The following COQ10B variants were observed in gnomAD, a reference collection of about 807,000 sequenced individuals.
The protein encoded by COQ10B is coenzyme Q10B, also known as coenzyme Q-binding protein COQ10 homolog B, mitochondrial.
Under a neutral mutation model 27.6 loss-of-function variants are expected in COQ10B, and 12 were observed. That is an observed-to-expected ratio of 0.43 (90% confidence interval 0.28 to 0.70). COQ10B has a LOEUF of 0.70. Among genes scored for constraint, COQ10B ranks in the 30% least tolerant of loss-of-function variants. COQ10B has a pLI of 0.17. For missense variants in COQ10B, 278 were observed against 288.7 expected, an observed-to-expected ratio of 0.96 and a Z score of 0.27; for synonymous variants, 115 against 103.0, an observed-to-expected ratio of 1.12 and a Z score of -0.71.
chr2:197,453,862 C>A, intron 1 of COQ10B, 198 bp downstream of exon 1: 1 of 1,269,552 alleles, frequency 7.9e-7, no homozygotes. Flanking sequence ...AGGCTGTGTT[C>A]GTGGCTCGTT....
intron 1 of COQ10B, among the ~76,000 whole-genome samples, chr2:197,457,770 T>C (rs763331554): frequency 3.8e-4 from 58 of 151,934 alleles, no homozygotes; most frequent in Non-Finnish European, 7.8e-4. Flanking sequence ...TACAGGCACG[T>C]GCCACCACAC....
intron 2 of COQ10B, among the ~76,000 whole-genome samples, chr2:197,460,522 A>G (rs1253198385): frequency 1.3e-5 from 2 of 152,190 alleles, no homozygotes; most frequent in Non-Finnish European, 2.9e-5. Flanking sequence ...TATTTGTTGA[A>G]TGAATATAAT....
chr2:197,473,659 C>T (rs1343283620), intron 4 of COQ10B, 98 bp from the exon 5 acceptor site: 1 of 866,762 alleles, frequency 1.2e-6, no homozygotes, highest in African/African-American at 1.8e-5. Context: ...GCACTCCAAC[C>T]TGGGCAACAA....
chr2:197,459,088 G>A (rs968933929), intron 1 of COQ10B, among the ~76,000 whole-genome samples: 2 of 152,176 alleles, frequency 1.3e-5, no homozygotes, highest in African/African-American at 2.4e-5. Context: ...TGGTTAACTA[G>A]ACATGTTTTT....
chr2:197,454,202 A>C, intron 1 of COQ10B: 2 of 1,406,486 alleles, frequency 1.4e-6, no homozygotes, highest in Non-Finnish European at 9.6e-7. Context: ...GCTGTAACTT[A>C]CAGGTCCTGT....
rs149632419 is a variant in COQ10B, at chr2:197,458,855, C to T, written c.105-1077C>T. 5.9e-3 allele frequency among the ~76,000 whole-genome samples: 898 copies of T among 151,870 alleles called. 10 individuals carry two copies. Among genetic ancestry groups the T allele is most frequent in the African/African-American group, 0.018 (759 of 41,430 alleles). On this transcript the variant is annotated intron_variant, in intron 1 of 4. Coordinates refer to ENST00000263960, the MANE Select transcript of COQ10B (RefSeq NM_025147.5). ...GCCACCACACTCAGCTAATTTTTTG[C>T]ATTTTTAGTAGAGATGGGGTTTCAC...
intron 2 of COQ10B, among the ~76,000 whole-genome samples, chr2:197,461,559 C>CTGTGTGTGTGTGTGTG (rs60261177): frequency 1.1e-4 from 15 of 139,866 alleles, no homozygotes; most frequent in African/African-American, 3.4e-4. Context: ...CTGATTTAGT[C>CTGTGTGTGTGTGTGTG]TGTGTGTGTG....
chr2:197,468,021 A>C (rs1416552041), intron 3 of COQ10B, among the ~76,000 whole-genome samples: 1 of 152,222 alleles, frequency 6.6e-6, no homozygotes, highest in Admixed American at 6.5e-5. Context: ...TCTACTATTC[A>C]GTATCTCTGC....
At chr2:197,471,268 G>T (rs1372445280) in intron 4 of COQ10B, among the ~76,000 whole-genome samples, 2 of 151,770 alleles carry the variant, frequency 1.3e-5, no homozygotes, top group African/African-American at 4.8e-5. Flanking sequence ...TCAGCCTCCC[G>T]AGTAGCTGGG....
chr2:197,460,263 G>A (rs1178759826), intron 2 of COQ10B, among the ~76,000 whole-genome samples, 182 bp downstream of exon 2: 4 of 148,744 alleles, frequency 2.7e-5, no homozygotes, highest in East Asian at 3.9e-4. Context: ...GTGCAGTGGC[G>A]CAATCTTGGC....
rs562142048 is a variant in COQ10B, at chr2:197,467,122, T to C, written c.448-2948T>C. On this transcript the variant is annotated intron_variant, in intron 3 of 4. Coordinates refer to ENST00000263960, the MANE Select transcript of COQ10B (RefSeq NM_025147.5). ...CCACCACACTGAGCTAATTTTTGTATTTTTAGTAGAAACGAGGTTTCACCA... is the reference window on the plus strand; with the variant it reads ...CCACCACACTGAGCTAATTTTTGTACTTTTAGTAGAAACGAGGTTTCACCA... Among the ~76,000 whole-genome samples, 140 of 151,836 alleles carry C rather than the reference T, an allele frequency of 9.2e-4. 1 individual carries two copies. The highest frequency in any genetic ancestry group is 3.2e-3 in the African/African-American group (132 of 41,386).
chr2:197,462,442 C>A, intron 2 of COQ10B, 97 bp from the exon 3 acceptor site: 1 of 644,880 alleles, frequency 1.6e-6, no homozygotes, highest in Non-Finnish European at 2.6e-6. Flanking sequence ...ATTTATTTAT[C>A]ATACACAGTA....
chr2:197,460,154 TTCTC>T, intron 2 of COQ10B, 73 bp downstream of exon 2: 2 of 1,036,736 alleles, frequency 1.9e-6, no homozygotes, highest in Non-Finnish European at 1.4e-6. Context: ...TTGTGCCTCT[TTCTC>T]TCTGGATTAT....
intron 4 of COQ10B, among the ~76,000 whole-genome samples, chr2:197,472,410 T>A (rs1574587806): frequency 6.6e-6 from 1 of 151,464 alleles, no homozygotes; most frequent in Non-Finnish European, 1.5e-5. Context: ...AACCCATGGC[T>A]TCAGGCTGTT....
chr2:197,454,493 T>A (rs1007145348), intron 1 of COQ10B, among the ~76,000 whole-genome samples: 3 of 151,912 alleles, frequency 2.0e-5, no homozygotes, highest in South Asian at 2.1e-4. Context: ...ATAATTTTTT[T>A]AAAAAAAGAT....
Position 197,467,258 on chromosome 2 carries a change from T to TTTTA in COQ10B, c.448-2783_448-2780dup, listed in dbSNP as rs55707253. Among the ~76,000 whole-genome samples the TTTTA allele has an allele frequency of 6.5e-3, 965 of 148,200 alleles. 42 individuals are homozygous for TTTTA. The East Asian group carries it at 0.11, about 16-fold the overall frequency. ...CACCATGCCTGGCCTGGGTTCTGGA[T>TTTTA]TTTATTTATTTATTTATTTATTTAT... On this transcript the variant is annotated intron_variant, in intron 3 of 4. Coordinates refer to ENST00000263960, the MANE Select transcript of COQ10B (RefSeq NM_025147.5).
At chr2:197,458,460 C>T (rs1465082686) in intron 1 of COQ10B, among the ~76,000 whole-genome samples, 1 of 152,112 alleles carries the variant, frequency 6.6e-6, no homozygotes, top group Non-Finnish European at 1.5e-5. Flanking sequence ...ATCTCTTCTT[C>T]AGCACTTTTT....
chr2:197,456,569 C>A (rs1217386423), intron 1 of COQ10B, among the ~76,000 whole-genome samples: 1 of 151,302 alleles, frequency 6.6e-6, no homozygotes, highest in African/African-American at 2.4e-5. Context: ...TCGAGACCAT[C>A]CTGGCTAACA....
At chr2:197,461,345 CACA>C (rs1451966949) in intron 2 of COQ10B, among the ~76,000 whole-genome samples, 2 of 152,150 alleles carry the variant, frequency 1.3e-5, no homozygotes, top group African/African-American at 4.8e-5. Flanking sequence ...GGAGGTGACA[CACA>C]ACACCTCCTC....
Sources: gnomAD v4.1 joint callset for allele counts (sites outside exome capture counted in the v4.1 genomes callset) on GRCh38, gnomAD v4.1.1 for gene constraint, MANE v1.5 for transcripts, NCBI Gene and HGNC (gene_info 2026-07-23, HGNC 2026-07-21) for gene names.